The following HCN1 variants were observed in gnomAD, a reference collection of about 807,000 sequenced individuals.
The protein encoded by HCN1 is hyperpolarization activated cyclic nucleotide gated potassium channel 1.
HCN1 carries 13 observed loss-of-function variants against 78.9 expected under a neutral mutation model. The ratio of observed to expected loss-of-function variants is 0.16; its 90% CI spans 0.11 to 0.26. HCN1 has a LOEUF of 0.26. HCN1 is among the 10% of genes least tolerant of loss of function. The pLI is 1.00. For missense variants in HCN1, 810 were observed against 1,154.3 expected (o/e 0.70, Z 4.32); for synonymous variants, 552 against 455.5 (o/e 1.21, Z -2.70).
At chr5:45,580,297 A>T (rs149361200) in intron 2 of HCN1, among the ~76,000 whole-genome samples, 2 of 152,138 alleles carry the variant, frequency 1.3e-5, no homozygotes, top group East Asian at 3.9e-4. Context: ...AGAAGAGGAG[A>T]ATCAGAAGAG....
intron 2 of HCN1, among the ~76,000 whole-genome samples, chr5:45,497,299 G>T (rs1418046445): frequency 1.3e-5 from 2 of 152,080 alleles, no homozygotes; most frequent in Non-Finnish European, 2.9e-5. Context: ...GTTGACAGTG[G>T]GGTGTTAAAG....
intron 4 of HCN1, among the ~76,000 whole-genome samples, chr5:45,365,003 G>A (rs1747203984): frequency 6.6e-6 from 1 of 151,874 alleles, no homozygotes; most frequent in Non-Finnish European, 1.5e-5. Context: ...GTTCTTTGCA[G>A]ACCATAAGCT....
chr5:45,399,075 G>A (rs548235235), intron 3 of HCN1, among the ~76,000 whole-genome samples: 23 of 152,206 alleles, frequency 1.5e-4, no homozygotes, highest in Non-Finnish European at 2.9e-4. Flanking sequence ...GGTCCCTTGG[G>A]ACTGATGAGC....
intron 2 of HCN1, among the ~76,000 whole-genome samples, chr5:45,626,881 T>G (rs867166297): frequency 4.6e-5 from 7 of 151,932 alleles, no homozygotes; most frequent in Non-Finnish European, 8.8e-5. Context: ...GAGAAGGTAA[T>G]AGTTTCATAT....
At chr5:45,342,768 G>C (rs1467364391) in intron 5 of HCN1, among the ~76,000 whole-genome samples, 1 of 152,098 alleles carries the variant, frequency 6.6e-6, no homozygotes, top group South Asian at 2.1e-4. Flanking sequence ...AAATGGTGAA[G>C]ATATTAGTTG....
chr5:45,385,805 T>C (rs1444949360), intron 4 of HCN1, among the ~76,000 whole-genome samples: 1 of 152,180 alleles, frequency 6.6e-6, no homozygotes, highest in African/African-American at 2.4e-5. Flanking sequence ...TTGAGTGCCA[T>C]GTGTCTGTTT....
At chr5:45,534,199 C>A (rs1486319012) in intron 2 of HCN1, among the ~76,000 whole-genome samples, 1 of 151,090 alleles carries the variant, frequency 6.6e-6, no homozygotes, top group East Asian at 2.0e-4. Flanking sequence ...AGTTTGAGAC[C>A]AGCCTAGCCA....
At chr5:45,496,768 C>T (rs955866938) in intron 2 of HCN1, among the ~76,000 whole-genome samples, 43 of 152,124 alleles carry the variant, frequency 2.8e-4, no homozygotes, top group Non-Finnish European at 1.5e-4. Flanking sequence ...GTTGCTCTTG[C>T]TTTTCTAGTT....
chr5:45,602,822 T>G (rs1057224318), intron 2 of HCN1, among the ~76,000 whole-genome samples: 1 of 152,076 alleles, frequency 6.6e-6, no homozygotes, highest in African/African-American at 2.4e-5. Context: ...GGCAAAAAAT[T>G]TAGGTTCTTT....
chr5:45,462,327 A>G lies in HCN1; in HGVS notation c.850-320T>C, dbSNP rs1328594433. ...TTGCATATTTTAGCAAAGCTACTTT[A>G]AAACAAGGTAGCAAAATTTACAAAT... On this transcript the variant is annotated intron_variant, in intron 2 of 7. Transcript: ENST00000303230. 2.0e-5 allele frequency among the ~76,000 whole-genome samples: 3 copies of G among 152,148 alleles called. No homozygotes were observed. The East Asian group carries it at 5.8e-4, about 29-fold the overall frequency.
intron 2 of HCN1, among the ~76,000 whole-genome samples, chr5:45,610,578 TAATA>T (rs1744813501): frequency 6.7e-6 from 1 of 149,648 alleles, no homozygotes; most frequent in African/African-American, 2.4e-5. Context: ...TATATATGAT[TAATA>T]TATATATTCA....
intron 2 of HCN1, among the ~76,000 whole-genome samples, chr5:45,581,219 T>A (rs1431826774): frequency 6.6e-6 from 1 of 152,204 alleles, no homozygotes; most frequent in Non-Finnish European, 1.5e-5. Flanking sequence ...GACTTTTTAA[T>A]GATTGCCATT....
At chr5:45,531,487 C>T (rs914645647) in intron 2 of HCN1, among the ~76,000 whole-genome samples, 4 of 152,244 alleles carry the variant, frequency 2.6e-5, no homozygotes, top group South Asian at 2.1e-4. Flanking sequence ...CTACTAGTCC[C>T]GTGTTTTTAA....
chr5:45,577,260 G>A (rs747727753), intron 2 of HCN1, among the ~76,000 whole-genome samples: 1 of 152,012 alleles, frequency 6.6e-6, no homozygotes, highest in Admixed American at 6.6e-5. Flanking sequence ...AATTACATAT[G>A]CATCAATTGC....
intron 3 of HCN1, among the ~76,000 whole-genome samples, chr5:45,433,245 ATGTGC>A (rs1340624968): frequency 6.6e-6 from 1 of 151,916 alleles, no homozygotes; most frequent in Non-Finnish European, 1.5e-5. Context: ...TTGCTTTTTG[ATGTGC>A]TGCTGGATTC....
intron 2 of HCN1, among the ~76,000 whole-genome samples, chr5:45,616,563 C>T (rs1318719666): frequency 6.6e-6 from 1 of 151,866 alleles, no homozygotes; most frequent in Non-Finnish European, 1.5e-5. Context: ...GTTTAAAGAA[C>T]ACTTTCAAAG....
At chr5:45,585,279 G>C (rs1441812471) in intron 2 of HCN1, among the ~76,000 whole-genome samples, 1 of 151,778 alleles carries the variant, frequency 6.6e-6, no homozygotes, top group Non-Finnish European at 1.5e-5. Flanking sequence ...TCATTCATTT[G>C]ATCTTCCATC....
At chr5:45,362,389 A>G (rs1430068588) in intron 4 of HCN1, among the ~76,000 whole-genome samples, 2 of 152,206 alleles carry the variant, frequency 1.3e-5, no homozygotes, top group East Asian at 1.9e-4. Context: ...ATAGAATTTC[A>G]AAAAGAAATA....
At chr5:45,337,546 A>C (rs1746488548) in intron 5 of HCN1, among the ~76,000 whole-genome samples, 1 of 152,098 alleles carries the variant, frequency 6.6e-6, no homozygotes, top group Non-Finnish European at 1.5e-5. Flanking sequence ...ATCCTTATTT[A>C]TTGTGTACTT....
Sources: allele counts gnomAD v4.1 joint callset (sites outside exome capture counted in the v4.1 genomes callset), GRCh38; gene constraint gnomAD v4.1.1; transcripts MANE v1.5; gene names NCBI Gene and HGNC (gene_info 2026-07-23, HGNC 2026-07-21).